Variants in NDRG3 observed in about 807,000 individuals in gnomAD.
NDRG3 encodes the protein NDRG family member 3, also known as protein NDRG3.
A neutral mutation model predicts 57.2 loss-of-function variants in NDRG3; 23 were observed. That is an observed-to-expected ratio of 0.40 (90% CI 0.29 to 0.57). NDRG3 has a LOEUF of 0.57. NDRG3 is among the 20% of genes least tolerant of loss of function. The probability of loss-of-function intolerance (pLI) is 0.42; values close to 1 mark genes in which losing one functional copy is unlikely to be tolerated. For synonymous variants in NDRG3, 132 were observed against 162.6 expected (o/e 0.81, Z 1.43); for missense variants, 384 against 457.3 (o/e 0.84, Z 1.46).
At chr20:36,693,840 C>T (rs949231437) in intron 3 of NDRG3, among the ~76,000 whole-genome samples, 16 of 151,344 alleles carry the variant, frequency 1.1e-4, no homozygotes, top group Admixed American at 1.3e-4. Context: ...GTGAGTTGCA[C>T]GATTATTTCA....
At chr20:36,712,578 TATATATATA>T (rs1488153292) in intron 2 of NDRG3, among the ~76,000 whole-genome samples, 3 of 23,864 alleles carry the variant, frequency 1.3e-4, no homozygotes, top group Non-Finnish European at 2.1e-4. Context: ...TATATATATA[TATATATATA>T]TTTTTTTTTT....
chr20:36,696,027 A>G (rs1344256636), intron 3 of NDRG3, among the ~76,000 whole-genome samples: 2 of 152,034 alleles, frequency 1.3e-5, no homozygotes, highest in Non-Finnish European at 2.9e-5. Flanking sequence ...ACCAGCCAAC[A>G]CTTAGGGAAA....
intron 8 of NDRG3, among the ~76,000 whole-genome samples, chr20:36,675,057 GCA>G (rs1491147824): frequency 7.3e-6 from 1 of 137,144 alleles, no homozygotes; most frequent in Non-Finnish European, 1.6e-5. Context: ...ACCACAACTG[GCA>G]TTTTTTTTTT....
At chr20:36,685,106 G>C (rs375185204) in intron 5 of NDRG3, among the ~76,000 whole-genome samples, 15 of 152,144 alleles carry the variant, frequency 9.9e-5, no homozygotes, top group African/African-American at 3.4e-4. Context: ...TTCAGTTGGA[G>C]TCCAGGCTCA....
At position 36,733,380 on chromosome 20, in the gene NDRG3, G is replaced by A. The variant is rs532381695; in HGVS notation, c.-48-11597C>T. Among the ~76,000 whole-genome samples, 5 of 151,768 alleles carry A rather than the reference G, an allele frequency of 3.3e-5. No homozygotes were observed. In the East Asian group the frequency reaches 7.8e-4, roughly 24 times the overall value. ...GGCCGCTAGCTAGTATTCTAGGGGC[G>A]GAGTCAATCACCTTTGATTTTGGCA... On this transcript the variant is annotated intron_variant, in intron 1 of 15. Transcript: ENST00000349004.
chr20:36,710,392 G>A (rs1248875081), intron 2 of NDRG3, among the ~76,000 whole-genome samples: 1 of 151,932 alleles, frequency 6.6e-6, no homozygotes, highest in Non-Finnish European at 1.5e-5. Context: ...AGAGGTTATG[G>A]GTGATTATAA....
At chr20:36,730,902 C>T (rs1456882538) in intron 1 of NDRG3, among the ~76,000 whole-genome samples, 2 of 147,276 alleles carry the variant, frequency 1.4e-5, no homozygotes, top group Non-Finnish European at 3.0e-5. Context: ...CGCGCCACTG[C>T]ACTCCAGCCT....
chr20:36,736,321 T>C (rs1010820846), intron 1 of NDRG3, among the ~76,000 whole-genome samples: 10 of 152,186 alleles, frequency 6.6e-5, no homozygotes, highest in African/African-American at 2.4e-4. Context: ...AGGTAATTCT[T>C]ACATGCAGCT....
rs546658288 is a variant in NDRG3, at chr20:36,698,246, C to T, written c.93+8726G>A. On this transcript the variant is annotated intron_variant, in intron 3 of 15. Coordinates refer to ENST00000349004, the MANE Select transcript of NDRG3 (RefSeq NM_032013.4). ...CCTCCCAAAGTGCTGGGATTATAGGCATGAGCCATCCTGCCCCGCTGTGGG... is the reference window on the plus strand; with the variant it reads ...CCTCCCAAAGTGCTGGGATTATAGGTATGAGCCATCCTGCCCCGCTGTGGG... Among the ~76,000 whole-genome samples the T allele has an allele frequency of 7.2e-5, 11 of 151,832 alleles. No homozygotes were observed. In the East Asian group the frequency reaches 2.2e-3, roughly 30 times the overall value.
intron 9 of NDRG3, chr20:36,668,766 A>T (rs1000810434): frequency 6.6e-6 from 1 of 151,342 alleles, no homozygotes; most frequent in African/African-American, 2.4e-5. Context: ...ATATATATGT[A>T]CATACATAGT....
chr20:36,660,714 C>T (rs1356597852), intron 12 of NDRG3, among the ~76,000 whole-genome samples: 2 of 151,894 alleles, frequency 1.3e-5, no homozygotes, highest in Admixed American at 1.3e-4. Flanking sequence ...GCGCCCGCTA[C>T]CACGCCCGGC....
chr20:36,655,951 T>C (rs1370349324), intron 15 of NDRG3, among the ~76,000 whole-genome samples: 1 of 152,018 alleles, frequency 6.6e-6, no homozygotes, highest in Non-Finnish European at 1.5e-5. Flanking sequence ...CTGGCCAACA[T>C]GGTGAATCTC....
At chr20:36,737,509 T>C (rs1985668176) in intron 1 of NDRG3, among the ~76,000 whole-genome samples, 1 of 152,230 alleles carries the variant, frequency 6.6e-6, no homozygotes, top group African/African-American at 2.4e-5. Context: ...CCAGGTACCG[T>C]GATAAGCACT....
intron 7 of NDRG3, among the ~76,000 whole-genome samples, 178 bp downstream of exon 7, chr20:36,682,340 T>C (rs1981374588): frequency 6.6e-6 from 1 of 152,202 alleles, no homozygotes; most frequent in Admixed American, 6.5e-5. Flanking sequence ...CATTTGTGAT[T>C]TTTCAGGTAT....
At chr20:36,739,791 T>G (rs980515086) in intron 1 of NDRG3, among the ~76,000 whole-genome samples, 1 of 151,368 alleles carries the variant, frequency 6.6e-6, no homozygotes, top group African/African-American at 2.4e-5. Context: ...GCGCCTGTAG[T>G]CCCAGCTACT....
chr20:36,674,647 G>C (rs1352100127), intron 8 of NDRG3, among the ~76,000 whole-genome samples: 1 of 148,322 alleles, frequency 6.7e-6, no homozygotes, highest in Non-Finnish European at 1.5e-5. Flanking sequence ...ACCCAGGCAG[G>C]ACTGTAGTAG....
At chr20:36,713,790 A>G (rs1297260431) in intron 2 of NDRG3, among the ~76,000 whole-genome samples, 1 of 152,228 alleles carries the variant, frequency 6.6e-6, no homozygotes, top group Non-Finnish European at 1.5e-5. Flanking sequence ...TGATTTGAGG[A>G]AGAAACGAAT....
chr20:36,686,532 G>A (rs1445485873), intron 5 of NDRG3, among the ~76,000 whole-genome samples: 1 of 152,210 alleles, frequency 6.6e-6, no homozygotes, highest in Non-Finnish European at 1.5e-5. Context: ...CTGGAGATGA[G>A]TGAAAGGATA....
chr20:36,705,321 C>CAAAAAAAAAAA (rs1174347133), intron 3 of NDRG3, among the ~76,000 whole-genome samples: 1 of 72,200 alleles, frequency 1.4e-5, no homozygotes, highest in African/African-American at 4.4e-5. Flanking sequence ...GACTCTGTCT[C>CAAAAAAAAAAA]AAAAAAAAAA....
Sources: gnomAD v4.1 joint callset for allele counts (sites outside exome capture counted in the v4.1 genomes callset) on GRCh38, gnomAD v4.1.1 for gene constraint, MANE v1.5 for transcripts, NCBI Gene and HGNC (gene_info 2026-07-23, HGNC 2026-07-21) for gene names.